ADAMTS6: variants seen among roughly 807,000 people sequenced by gnomAD.
ADAMTS6 encodes the protein ADAM metallopeptidase with thrombospondin type 1 motif 6.
Under a neutral mutation model 144.3 loss-of-function variants are expected in ADAMTS6, and 23 were observed. That is an observed-to-expected ratio of 0.16 (90% CI 0.11 to 0.23). The LOEUF is 0.23. ADAMTS6 is among the 10% of genes least tolerant of loss of function. The pLI is 1.00. For synonymous variants in ADAMTS6, 444 were observed against 457.5 expected (o/e 0.97, Z 0.38); for missense variants, 999 against 1,379.6 (o/e 0.72, Z 4.37).
At chr5:65,226,929 G>T (rs1757771552) in intron 15 of ADAMTS6, among the ~76,000 whole-genome samples, 1 of 152,092 alleles carries the variant, frequency 6.6e-6, no homozygotes, top group Non-Finnish European at 1.5e-5. Flanking sequence ...AAATAACCTT[G>T]TCTAACAAAC....
intron 20 of ADAMTS6, among the ~76,000 whole-genome samples, chr5:65,203,909 T>C: frequency 6.6e-6 from 1 of 152,220 alleles, no homozygotes; most frequent in Admixed American, 6.5e-5. Context: ...ATTAATACAA[T>C]AGGAATGCAC....
chr5:65,344,832 C>T (rs976773694), intron 7 of ADAMTS6, among the ~76,000 whole-genome samples: 1 of 151,742 alleles, frequency 6.6e-6, no homozygotes, highest in Non-Finnish European at 1.5e-5. Context: ...TCTGACTATG[C>T]TATTCATGCT....
At chr5:65,256,985 C>CTTTTTTTTTTTTT (rs545846781) in intron 14 of ADAMTS6, among the ~76,000 whole-genome samples, 1 of 88,680 alleles carries the variant, frequency 1.1e-5, no homozygotes, top group Non-Finnish European at 2.0e-5. Flanking sequence ...CTCTCTCTCT[C>CTTTTTTTTTTTTT]TTTTTTTTTT....
At chr5:65,323,091 C>A (rs1327975405) in intron 9 of ADAMTS6, among the ~76,000 whole-genome samples, 1 of 152,036 alleles carries the variant, frequency 6.6e-6, no homozygotes, top group Non-Finnish European at 1.5e-5. Flanking sequence ...TACAAACCAA[C>A]CAATTTCATT....
intron 15 of ADAMTS6, among the ~76,000 whole-genome samples, chr5:65,231,462 G>A (rs888556991): frequency 2.6e-5 from 4 of 152,044 alleles, no homozygotes; most frequent in African/African-American, 9.7e-5. Context: ...TTTCAACAAT[G>A]GATAGATCAT....
In ADAMTS6 at chr5:65,460,298, T is replaced by G. The variant is rs1759548443; in HGVS notation, c.503A>C (p.Glu168Ala). 1 of 1,613,734 alleles carries G rather than the reference T, an allele frequency of 6.2e-7. No homozygotes were observed. Among genetic ancestry groups the G allele is most frequent in the Non-Finnish European group, 8.5e-7 (1 of 1,179,854 alleles). The stretch of plus-strand genomic sequence containing the variant: ...ATCCTCTGTGGTATTCTTTAAAGGT[T>G]CGATAAAATACTCTTCATCTTCTGT... The part of the protein sequence containing the change: ...IATEDEEYFI[E>A]PLKNTTEDSK... Residue 168 changes from glutamate to alanine, a missense_variant, in exon 4 of 25, where the codon GAA (glutamate) becomes GCA (alanine). By Grantham distance (107) the Glu-to-Ala change is moderately radical (BLOSUM62 -1). Coordinates refer to ENST00000381055, the MANE Select transcript of ADAMTS6 (RefSeq NM_197941.4).
intron 22 of ADAMTS6, among the ~76,000 whole-genome samples, chr5:65,184,411 A>T (rs1164392116): frequency 6.6e-6 from 1 of 152,212 alleles, no homozygotes; most frequent in Admixed American, 6.5e-5. Context: ...ATCAAACAAA[A>T]CACAGTCCCT....
rs1466889770 is a variant in ADAMTS6, at chr5:65,168,738, A to G, written c.3244+1879T>C. Among the ~76,000 whole-genome samples the G allele has an allele frequency of 6.9e-4, 99 of 142,874 alleles. 1 individual carries two copies. Among genetic ancestry groups the G allele is most frequent in the Non-Finnish European group, 1.2e-3 (78 of 63,826 alleles). 93.7% of individuals were successfully genotyped at this position (142,874 alleles called of 152,430 possible). On this transcript the variant is annotated intron_variant, in intron 24 of 24. Transcript: ENST00000381055. ...CCCTCAGAAATAACGCCGCTTACCT[A>G]CAACTATCTGATCTTTGACAAACCT... is the stretch of plus-strand genomic sequence containing the variant.
At chr5:65,364,809 G>A (rs1409893269) in intron 7 of ADAMTS6, among the ~76,000 whole-genome samples, 5 of 151,810 alleles carry the variant, frequency 3.3e-5, no homozygotes, top group Admixed American at 2.0e-4. Flanking sequence ...CTCGTGATCT[G>A]CCCGCCTCAG....
chr5:65,377,504 T>C (rs751581610), intron 7 of ADAMTS6, among the ~76,000 whole-genome samples: 3 of 152,240 alleles, frequency 2.0e-5, no homozygotes, highest in Non-Finnish European at 2.9e-5. Flanking sequence ...TCCGGAGAGA[T>C]GATTTAGCCC....
At chr5:65,261,523 A>AT (rs1761194782) in intron 13 of ADAMTS6, among the ~76,000 whole-genome samples, 2 of 152,094 alleles carry the variant, frequency 1.3e-5, no homozygotes, top group African/African-American at 2.4e-5. Flanking sequence ...TTATTCTGTA[A>AT]TTTTTTTAAA....
At chr5:65,459,045 T>C (rs920445305) in intron 4 of ADAMTS6, among the ~76,000 whole-genome samples, 3 of 152,160 alleles carry the variant, frequency 2.0e-5, no homozygotes, top group Admixed American at 6.5e-5. Context: ...TTCTTTCTTT[T>C]TTTTCCTTTT....
rs1182349672 is a variant in ADAMTS6 at position 65,224,815 on chromosome 5, A to G, written c.2191+109T>C. Reference sequence around the variant, plus strand: ...CTGAAAGCAATTTGGGGAAGAAAACATTGTCTGCCTAAATAAAGAAATCTG... The same window carrying G: ...CTGAAAGCAATTTGGGGAAGAAAACGTTGTCTGCCTAAATAAAGAAATCTG... On this transcript the variant is annotated intron_variant, in intron 17 of 24. Coordinates refer to ENST00000381055, the MANE Select transcript of ADAMTS6 (RefSeq NM_197941.4). 1.3e-5 allele frequency: 17 copies of G among 1,316,160 alleles called. No individual in the cohort carries two copies. The East Asian group carries it at 2.5e-4, about 19-fold the overall frequency. The allele number at this position is 1,316,160 out of a possible 1,614,324, so 81.5% of individuals were successfully genotyped here.
rs1043494090 is a variant in ADAMTS6, at chr5:65,364,568, T to C, written c.1074-30483A>G. ...GAATCCTGAATGAATTTCTTTCTTT[T>C]TTTTTTTTTTTTTTTTGGGACAGAG... On this transcript the variant is annotated intron_variant, in intron 7 of 24. Coordinates refer to ENST00000381055, the MANE Select transcript of ADAMTS6 (RefSeq NM_197941.4). 3.4e-3 allele frequency among the ~76,000 whole-genome samples: 452 copies of C among 133,640 alleles called. 1 individual carries two copies. Among genetic ancestry groups the C allele is most frequent in the African/African-American group, 0.015 (419 of 27,340 alleles). The allele number at this position is 133,640 out of a possible 152,430, so 87.7% of individuals were successfully genotyped here.
chr5:65,290,773 A>T (rs949072426), intron 11 of ADAMTS6, among the ~76,000 whole-genome samples: 1 of 152,174 alleles, frequency 6.6e-6, no homozygotes, highest in Non-Finnish European at 1.5e-5. Context: ...TAAGGCAGAC[A>T]TGCAGAATAA....
At chr5:65,245,871 A>G (rs533227278) in intron 14 of ADAMTS6, among the ~76,000 whole-genome samples, 1 of 152,280 alleles carries the variant, frequency 6.6e-6, no homozygotes, top group East Asian at 1.9e-4. Context: ...AGAGTTAACC[A>G]ATAAGATTTG....
In ADAMTS6 at chr5:65,461,854, C is replaced by T. The variant is rs1759661959; in HGVS notation, c.463-1516G>A. ...AAAAAGAAAGCTGAAAACCTCTAGT[C>T]CAGATAATCTCTAAGGTCCCTTTGA... On this transcript the variant is annotated intron_variant, in intron 3 of 24. Coordinates refer to ENST00000381055, the MANE Select transcript of ADAMTS6 (RefSeq NM_197941.4). 2.0e-5 allele frequency among the ~76,000 whole-genome samples: 3 copies of T among 152,266 alleles called. No individual in the cohort carries two copies. In the South Asian group the frequency reaches 6.2e-4, roughly 32 times the overall value.
intron 24 of ADAMTS6, among the ~76,000 whole-genome samples, chr5:65,165,907 G>C (rs1184246746): frequency 7.1e-6 from 1 of 141,756 alleles, no homozygotes; most frequent in Non-Finnish European, 1.5e-5. Flanking sequence ...GGAACAACCG[G>C]TACCAGCCGC....
intron 10 of ADAMTS6, among the ~76,000 whole-genome samples, chr5:65,298,619 A>G (rs1209437653): frequency 6.6e-6 from 1 of 152,170 alleles, no homozygotes; most frequent in Non-Finnish European, 1.5e-5. Flanking sequence ...TAGCACTTCA[A>G]TCAGTTTTCA....
Sources: allele counts gnomAD v4.1 joint callset (sites outside exome capture counted in the v4.1 genomes callset), GRCh38; gene constraint gnomAD v4.1.1; transcripts MANE v1.5; gene names NCBI Gene and HGNC (gene_info 2026-07-23, HGNC 2026-07-21).